The following DAB1 variants were observed in gnomAD, a reference collection of about 807,000 sequenced individuals.
The protein encoded by DAB1 is disabled homolog 1.
In DAB1, 15 loss-of-function variants were observed where a neutral mutation model predicts 64.6. The observed-to-expected ratio is 0.23, with a 90% CI of 0.16 to 0.36. The LOEUF is 0.36. Ranked by LOEUF, DAB1 falls within the 10% of genes least tolerant of loss-of-function variation. The pLI is 1.00. For missense variants in DAB1, 596 were observed against 706.7 expected, an observed-to-expected ratio of 0.84 and a Z score of 1.78; for synonymous variants, 235 against 251.9, an observed-to-expected ratio of 0.93 and a Z score of 0.64.
intron 1 of DAB1, among the ~76,000 whole-genome samples, chr1:57,336,828 C>T (rs754135479): frequency 2.0e-5 from 3 of 152,194 alleles, no homozygotes; most frequent in Non-Finnish European, 4.4e-5. Flanking sequence ...ATAGATGTCA[C>T]TTTCCCATTT....
chr1:57,178,593 A>G (rs954494305), intron 2 of DAB1, among the ~76,000 whole-genome samples: 3 of 152,230 alleles, frequency 2.0e-5, no homozygotes, highest in African/African-American at 7.2e-5. Context: ...GCAAGGAAGT[A>G]TTATGAAAGA....
At chr1:57,637,619 A>G (rs1397935950) in intron 7 of DAB1, among the ~76,000 whole-genome samples, 1 of 152,166 alleles carries the variant, frequency 6.6e-6, no homozygotes, top group Non-Finnish European at 1.5e-5. Flanking sequence ...CAGGATGCTG[A>G]GACTTAGACA....
intron 9 of DAB1, among the ~76,000 whole-genome samples, chr1:57,049,329 T>C (rs1049850272): frequency 5.0e-4 from 76 of 151,114 alleles, no homozygotes; most frequent in African/African-American, 1.8e-3. Context: ...CGGGCACCTG[T>C]AGTCCCAGCT....
intron 1 of DAB1, among the ~76,000 whole-genome samples, chr1:57,309,351 T>C (rs991232953): frequency 1.3e-5 from 2 of 152,202 alleles, no homozygotes; most frequent in Non-Finnish European, 2.9e-5. Context: ...TACTTCCATA[T>C]GATTTGTATT....
chr1:58,405,393 TG>T (rs1644608018), intron 3 of DAB1, among the ~76,000 whole-genome samples: 2 of 152,226 alleles, frequency 1.3e-5, no homozygotes, highest in South Asian at 4.2e-4. Context: ...TTTTTTTTTT[TG>T]ATCTTGTGTT....
chr1:58,054,790 G>T (rs973250190), intron 5 of DAB1, among the ~76,000 whole-genome samples: 1 of 152,178 alleles, frequency 6.6e-6, no homozygotes, highest in African/African-American at 2.4e-5. Flanking sequence ...GAGGTTTGGG[G>T]CATGAAACAC....
intron 5 of DAB1, among the ~76,000 whole-genome samples, chr1:57,974,870 A>G (rs1378454422): frequency 6.6e-6 from 1 of 152,132 alleles, no homozygotes; most frequent in Non-Finnish European, 1.5e-5. Context: ...AGTAATTCCT[A>G]TTATAGCAAA....
intron 6 of DAB1, among the ~76,000 whole-genome samples, chr1:57,660,664 A>G (rs574672994): frequency 6.6e-6 from 1 of 152,352 alleles, no homozygotes; most frequent in South Asian, 2.1e-4. Context: ...GCAGCTGAGA[A>G]CTTGCTCCCC....
At chr1:58,438,896 G>A (rs373761493) in intron 3 of DAB1, among the ~76,000 whole-genome samples, 6 of 152,202 alleles carry the variant, frequency 3.9e-5, no homozygotes, top group East Asian at 1.9e-4. Flanking sequence ...AACCACTTGC[G>A]TCTGAATCCA....
At chr1:57,615,993 A>C (rs1645787014) in intron 7 of DAB1, among the ~76,000 whole-genome samples, 1 of 152,200 alleles carries the variant, frequency 6.6e-6, no homozygotes, top group Non-Finnish European at 1.5e-5. Flanking sequence ...TAGTAAGGGT[A>C]CTAACTGCTG....
chr1:57,401,635 G>C (rs1433642528), intron 1 of DAB1, among the ~76,000 whole-genome samples: 1 of 152,140 alleles, frequency 6.6e-6, no homozygotes, highest in Admixed American at 6.6e-5. Context: ...CAGTGAGCAG[G>C]GATCTTAGTG....
At chr1:57,448,936 C>A (rs1442330172) in intron 7 of DAB1, among the ~76,000 whole-genome samples, 1 of 152,162 alleles carries the variant, frequency 6.6e-6, no homozygotes, top group African/African-American at 2.4e-5. Flanking sequence ...CCAAATCTAA[C>A]CCCAAGGCTC....
intron 7 of DAB1, among the ~76,000 whole-genome samples, chr1:57,598,351 G>A (rs537100907): frequency 4.6e-5 from 7 of 152,330 alleles, no homozygotes; most frequent in African/African-American, 9.6e-5. Context: ...TCCTGACTCC[G>A]TTACTCCTTT....
chr1:58,025,530 T>A (rs1457648703), intron 5 of DAB1, among the ~76,000 whole-genome samples: 1 of 149,912 alleles, frequency 6.7e-6, no homozygotes, highest in Non-Finnish European at 1.5e-5. Flanking sequence ...TAAATGTAGA[T>A]GAGCTATAAA....
At chr1:57,442,295 G>A (rs981765915) in intron 7 of DAB1, among the ~76,000 whole-genome samples, 3 of 152,234 alleles carry the variant, frequency 2.0e-5, no homozygotes, top group African/African-American at 7.2e-5. Context: ...GCTGTCAGCA[G>A]TAGAGGTCAA....
chr1:58,120,941 A>C (rs1402470797), intron 5 of DAB1, among the ~76,000 whole-genome samples: 5 of 152,218 alleles, frequency 3.3e-5, no homozygotes, highest in Admixed American at 3.3e-4. Flanking sequence ...TGAAAAGGAC[A>C]GCATGAAAAA....
chr1:58,395,190 C>T (rs1454507763), intron 3 of DAB1, among the ~76,000 whole-genome samples: 2 of 152,054 alleles, frequency 1.3e-5, no homozygotes, highest in Admixed American at 1.3e-4. Flanking sequence ...TTTGTGAGCG[C>T]CACTACTAAG....
rs534660192 is a variant in DAB1, at chr1:58,182,303, A to G, written n.310-31715T>C. Among the ~76,000 whole-genome samples, 9 of 151,870 alleles carry G rather than the reference A, an allele frequency of 5.9e-5. 1 individual carries two copies. The South Asian group carries it at 1.9e-3, about 32-fold the overall frequency. Reference sequence around the variant, plus strand: ...TGTTTATCCTATTTGGAGTTCACTGAGGTTCTTGGATGTGAGGATTATTTT... The same window carrying G: ...TGTTTATCCTATTTGGAGTTCACTGGGGTTCTTGGATGTGAGGATTATTTT... On this transcript the variant is annotated intron_variant and non_coding_transcript_variant, in intron 4 of 20. Transcript: ENST00000485760.
intron 2 of DAB1, among the ~76,000 whole-genome samples, chr1:57,146,803 T>C (rs1659183957): frequency 6.6e-6 from 1 of 152,150 alleles, no homozygotes; most frequent in African/African-American, 2.4e-5. Flanking sequence ...TGCATTACGC[T>C]AAGTGTGTAA....
Sources: gnomAD v4.1 joint callset for allele counts (sites outside exome capture counted in the v4.1 genomes callset) on GRCh38, gnomAD v4.1.1 for gene constraint, MANE v1.5 for transcripts, NCBI Gene and HGNC (gene_info 2026-07-23, HGNC 2026-07-21) for gene names.